The following ENPEP variants were observed in gnomAD, a reference collection of about 807,000 sequenced individuals.
ENPEP encodes the protein AP-A.
Under a neutral mutation model 114.5 loss-of-function variants are expected in ENPEP, and 103 were observed. The observed-to-expected ratio is 0.90, with a 90% confidence interval of 0.77 to 1.06. ENPEP has a LOEUF of 1.06. ENPEP is among the 50% of genes least tolerant of loss of function. The pLI is 0.00. For synonymous variants in ENPEP, 420 were observed against 422.0 expected, an observed-to-expected ratio of 1.00 and a Z score of 0.06; for missense variants, 1,196 against 1,161.3, an observed-to-expected ratio of 1.03 and a Z score of -0.43.
chr4:110,499,479 C>G (rs1195889558), intron 3 of ENPEP, among the ~76,000 whole-genome samples: 2 of 152,174 alleles, frequency 1.3e-5, no homozygotes, highest in African/African-American at 2.4e-5. Flanking sequence ...ATTTTCAAAT[C>G]ACCTTCAAAC....
At chr4:110,478,435 C>G (rs1381517073) in intron 1 of ENPEP, among the ~76,000 whole-genome samples, 7 of 36,146 alleles carry the variant, frequency 1.9e-4, no homozygotes, top group African/African-American at 1.2e-3. Context: ...TCAAAATAAT[C>G]TGTAAAATAA....
intron 6 of ENPEP, among the ~76,000 whole-genome samples, chr4:110,511,215 C>T (rs757316113): frequency 2.6e-5 from 4 of 152,132 alleles, no homozygotes; most frequent in Non-Finnish European, 4.4e-5. Context: ...CTTTACAAAG[C>T]GAAAAGCCTA....
At chr4:110,497,988 A>G (rs557180903) in intron 3 of ENPEP, among the ~76,000 whole-genome samples, 94 of 152,368 alleles carry the variant, frequency 6.2e-4, no homozygotes, top group Non-Finnish European at 8.8e-4. Context: ...TACCTTAAAT[A>G]TGCATTTATA....
intron 13 of ENPEP, among the ~76,000 whole-genome samples, 187 bp from the exon 14 acceptor site, chr4:110,547,989 T>C (rs766372953): frequency 1.3e-5 from 2 of 152,028 alleles, no homozygotes; most frequent in Non-Finnish European, 2.9e-5. Context: ...TACTGTATAA[T>C]TTCGGACAAA....
At chr4:110,529,080 A>G (rs556850935) in intron 10 of ENPEP, among the ~76,000 whole-genome samples, 1 of 152,284 alleles carries the variant, frequency 6.6e-6, no homozygotes, top group East Asian at 1.9e-4. Context: ...ATTTTTGTAC[A>G]TGAGATTAGG....
chr4:110,523,590 A>G (rs1343566153), intron 10 of ENPEP, among the ~76,000 whole-genome samples: 3 of 152,236 alleles, frequency 2.0e-5, no homozygotes, highest in African/African-American at 7.2e-5. Context: ...TATATACAAT[A>G]TACATGCTAT....
Position 110,531,264 on chromosome 4 carries a change from G to A in ENPEP, c.1794G>A (p.Arg598=). 1.4e-6 allele frequency: 2 copies of A among 1,437,816 alleles called. No individual in the cohort carries two copies. Among genetic ancestry groups the A allele is most frequent in the South Asian group, 3.0e-5 (2 of 67,290 alleles). 89.1% of individuals were successfully genotyped at this position (1,437,816 alleles called of 1,614,324 possible). ...TAACAAGCAGTGTGTTATTTAATAG[G>A]TCAGAAAAAGAAGGTAAATATTATT... The part of the protein sequence containing the change: ...DNITSSVLFN[R]SEKEGITLNS... The change falls in exon 11 of 20, where the codon AGG becomes AGA. Residue 598 remains arginine, a synonymous_variant. Coordinates refer to ENST00000265162, the MANE Select transcript of ENPEP (RefSeq NM_001977.4).
intron 3 of ENPEP, among the ~76,000 whole-genome samples, chr4:110,501,959 C>T (rs1725172360): frequency 6.6e-6 from 1 of 152,118 alleles, no homozygotes; most frequent in South Asian, 2.1e-4. Context: ...TATTTTTTGA[C>T]CTTTTAATAA....
chr4:110,477,029 A>AACC lies in ENPEP; in HGVS notation c.619_621dup (p.Thr207dup), dbSNP rs753476042. On this transcript the variant is annotated inframe_insertion, in exon 1 of 20. Coordinates refer to ENST00000265162, the MANE Select transcript of ENPEP (RefSeq NM_001977.4). ...ACGGCTCCCTCGTGGGATTTTATAG[A>AACC]ACCACCTACACGGAGAACGGACAAG... 22 of 1,613,968 alleles carry AACC rather than the reference A, an allele frequency of 1.4e-5. No individual in the cohort carries two copies. The South Asian group carries it at 2.0e-4, about 14-fold the overall frequency.
intron 11 of ENPEP, among the ~76,000 whole-genome samples, chr4:110,534,748 A>G (rs1726549413): frequency 6.6e-6 from 1 of 151,426 alleles, no homozygotes. Flanking sequence ...ACCTCAGGTG[A>G]TCTACCTGCC....
rs544907084 is a variant in ENPEP, at chr4:110,520,314, C to T, written c.1675C>T (p.Arg559Cys). The change falls in exon 10 of 20, where the codon CGC (arginine) becomes TGC (cysteine). Residue 559 changes from arginine to cysteine, a missense_variant. Coordinates refer to ENST00000265162, the MANE Select transcript of ENPEP (RefSeq NM_001977.4). ...VNGVKNITQK[R>C]FLLDPRANPS... ...CGGTGTCAAGAACATCACACAGAAA[C>T]GCTTTTTGTTGGACCCAAGAGCTAA... 5.6e-5 allele frequency: 90 copies of T among 1,613,992 alleles called. No individual in the cohort carries two copies. Among genetic ancestry groups the T allele is most frequent in the South Asian group, 1.5e-4 (14 of 91,084 alleles).
intron 13 of ENPEP, among the ~76,000 whole-genome samples, chr4:110,545,804 G>C (rs568949607): frequency 1.3e-5 from 2 of 151,900 alleles, no homozygotes; most frequent in Non-Finnish European, 2.9e-5. Context: ...CCCACTTCTG[G>C]TCCATAGGAG....
chr4:110,548,040 A>G (rs759378665), intron 13 of ENPEP, 136 bp from the exon 14 acceptor site: 8 of 1,020,250 alleles, frequency 7.8e-6, no homozygotes, highest in Non-Finnish European at 9.1e-6. Context: ...CAATTTCTTG[A>G]TTGTTGAATG....
rs867478833 is a variant in ENPEP, at chr4:110,553,563, T to C, written c.2642+108T>C. On this transcript the variant is annotated intron_variant, in intron 18 of 19. Coordinates refer to ENST00000265162, the MANE Select transcript of ENPEP (RefSeq NM_001977.4). ...TCTGACATCTATACAATATCTAAAA[T>C]GGCATTATTAGAGGTAAAGGATCAT... The C allele has an allele frequency of 6.5e-6, 7 of 1,082,430 alleles. No homozygotes were observed. In the Middle Eastern group the frequency reaches 1.1e-3, roughly 170 times the overall value. 67.1% of individuals were successfully genotyped at this position (1,082,430 alleles called of 1,614,324 possible).
intron 6 of ENPEP, among the ~76,000 whole-genome samples, chr4:110,512,264 G>A (rs1216253847): frequency 6.6e-6 from 1 of 152,126 alleles, no homozygotes; most frequent in South Asian, 2.1e-4. Flanking sequence ...GGAAGGCCAG[G>A]AAAATGATAG....
chr4:110,539,048 C>T (rs1463955487), intron 11 of ENPEP, among the ~76,000 whole-genome samples: 2 of 152,090 alleles, frequency 1.3e-5, no homozygotes, highest in African/African-American at 2.4e-5. Context: ...TCACAGATCA[C>T]CCTAACAGAT....
At chr4:110,482,944 G>A (rs1451378533) in intron 1 of ENPEP, among the ~76,000 whole-genome samples, 1 of 152,184 alleles carries the variant, frequency 6.6e-6, no homozygotes, top group African/African-American at 2.4e-5. Flanking sequence ...AGGAGGCGGA[G>A]GTTGTAGTGA....
chr4:110,520,063 C>T lies in ENPEP; in HGVS notation c.1565C>T (p.Ala522Val). 1 of 1,613,926 alleles carries T rather than the reference C, an allele frequency of 6.2e-7. No homozygotes were observed. The highest frequency in any genetic ancestry group is 1.7e-5 in the Admixed American group (1 of 60,026). The change falls in exon 9 of 20, where the codon GCA becomes GTA. Residue 522 changes from alanine to valine, a missense_variant. Physicochemically the swap from Ala to Val is moderately conservative, Grantham distance 64 (BLOSUM62 0). Coordinates refer to ENST00000265162, the MANE Select transcript of ENPEP (RefSeq NM_001977.4). Reference sequence around the variant, plus strand: ...GCAAAAACTTCTGATTTTTGGGCAGCACTGGAAGAGGTAAGGAAGAGTATA... The same window carrying T: ...GCAAAAACTTCTGATTTTTGGGCAGTACTGGAAGAGGTAAGGAAGAGTATA... ...KNAKTSDFWAALEEASRLPVK... is the reference protein window; with the variant it reads ...KNAKTSDFWAVLEEASRLPVK...
chr4:110,485,253 C>T (rs1724459990), intron 1 of ENPEP, among the ~76,000 whole-genome samples: 1 of 152,134 alleles, frequency 6.6e-6, no homozygotes, highest in Non-Finnish European at 1.5e-5. Context: ...AATGATTGTT[C>T]TATTGCAGAA....
Sources: allele counts gnomAD v4.1 joint callset (sites outside exome capture counted in the v4.1 genomes callset), GRCh38; gene constraint gnomAD v4.1.1; transcripts MANE v1.5; gene names NCBI Gene and HGNC (gene_info 2026-07-23, HGNC 2026-07-21).